FOXJ2: variants seen among roughly 807,000 people sequenced by gnomAD.
FOXJ2 encodes the protein forkhead box J2, also known as forkhead box protein J2.
FOXJ2 carries 18 observed loss-of-function variants against 68.4 expected under a neutral mutation model. That is an observed-to-expected ratio of 0.26 (90% CI 0.18 to 0.39). The LOEUF (loss-of-function observed/expected upper bound fraction) is 0.39. FOXJ2 is among the 10% of genes least tolerant of loss of function. The pLI, the probability that FOXJ2 is intolerant of heterozygous loss-of-function variation, is 1.00. For synonymous variants in FOXJ2, 274 were observed against 263.2 expected, an observed-to-expected ratio of 1.04 and a Z score of -0.40; for missense variants, 670 against 726.5, an observed-to-expected ratio of 0.92 and a Z score of 0.89.
intron 10 of FOXJ2, among the ~76,000 whole-genome samples, chr12:8,052,225 ATT>A (rs111837642): frequency 5.2e-5 from 7 of 133,812 alleles, no homozygotes; most frequent in Non-Finnish European, 8.1e-5. Flanking sequence ...CAGAAGTACA[ATT>A]TTTTTTTTTT....
rs766834872 is a variant in FOXJ2 at position 8,049,488 on chromosome 12, G to T, written c.1454G>T (p.Gly485Val). 8.1e-6 allele frequency: 13 copies of T among 1,614,078 alleles called. No individual in the cohort carries two copies. In the African/African-American group the frequency reaches 9.3e-5, roughly 12 times the overall value. Residue 485 changes from glycine to valine, a missense_variant, in exon 9 of 11, where the codon GGT (glycine) becomes GTT (valine). Gly to Val is a moderately radical substitution (Grantham distance 109). Around this residue, in one of 2 missense-constraint regions of FOXJ2, gnomAD observed 555 missense variants for 562.2 expected, o/e 0.99. Coordinates refer to ENST00000162391, the MANE Select transcript of FOXJ2 (RefSeq NM_018416.3). ...ACTGGTCACGTGCCCCCTCAAGGGG[G>T]TACCCACCGCCCACCAGCCCCTGCC... Reference protein sequence around the residue: ...TQTGHVPPQGGTHRPPAPARI... With the variant: ...TQTGHVPPQGVTHRPPAPARI...
chr12:8,039,271 A>C (rs1268294507), intron 1 of FOXJ2, among the ~76,000 whole-genome samples: 2 of 152,000 alleles, frequency 1.3e-5, no homozygotes, highest in Non-Finnish European at 2.9e-5. Context: ...GTGGGATAAA[A>C]AGGGCAAGTG....
rs938474979 is a variant in FOXJ2, at chr12:8,035,796, T to C, written c.-15+1963T>C. Among the ~76,000 whole-genome samples, 7 of 152,166 alleles carry C rather than the reference T, an allele frequency of 4.6e-5. No homozygotes were observed. Among genetic ancestry groups the C allele is most frequent in the Admixed American group, 3.9e-4 (6 of 15,274 alleles). On this transcript the variant is annotated intron_variant, in intron 1 of 10. Coordinates refer to ENST00000162391, the MANE Select transcript of FOXJ2 (RefSeq NM_018416.3). The surrounding 1 kb of genome is among the most constrained non-coding windows in gnomAD (Gnocchi z 4.0). ...GAGTGTGCTTTCCCAGACCATGTCT[T>C]ATGACTACACCTAGTTCCCCCGGGA...
chr12:8,052,209 T>A (rs769055708), intron 10 of FOXJ2, among the ~76,000 whole-genome samples: 2 of 152,012 alleles, frequency 1.3e-5, no homozygotes, highest in Non-Finnish European at 2.9e-5. Flanking sequence ...CATTATCATA[T>A]GTTTTCAGAA....
Position 8,053,884 on chromosome 12 carries a change from T to G in FOXJ2, c.*1034T>G, listed in dbSNP as rs1046275529. 1 of 152,168 alleles carries G rather than the reference T, an allele frequency of 6.6e-6. No individual in the cohort carries two copies. Among genetic ancestry groups the G allele is most frequent in the African/African-American group, 2.4e-5 (1 of 41,446 alleles). The allele number at this position is 152,168 out of a possible 1,614,324, so 9.4% of individuals were successfully genotyped here. Reference sequence around the variant, plus strand: ...TCTTCCACCCATCTTTTTTCTTCCCTCATTTTCTGGGATTCTCAAGAAAGA... The same window carrying G: ...TCTTCCACCCATCTTTTTTCTTCCCGCATTTTCTGGGATTCTCAAGAAAGA... On this transcript the variant is annotated 3_prime_UTR_variant, in exon 11 of 11. Transcript: ENST00000162391. The surrounding 1 kb of genome is among the most constrained non-coding windows in gnomAD (Gnocchi z 4.1).
intron 1 of FOXJ2, among the ~76,000 whole-genome samples, chr12:8,039,437 GA>G (rs367717446): frequency 1.7e-3 from 257 of 152,300 alleles, no homozygotes; most frequent in South Asian, 5.8e-3. Context: ...CATGATTGCA[GA>G]ATGGACTTTT....
chr12:8,048,662 C>T (rs1412454546), intron 7 of FOXJ2, 35 bp from the exon 8 acceptor site: 2 of 1,573,330 alleles, frequency 1.3e-6, no homozygotes, highest in Non-Finnish European at 1.7e-6. Flanking sequence ...ACACTTCACT[C>T]TATCTTATTA....
chr12:8,047,774 T>C (rs1947057604), intron 6 of FOXJ2, 108 bp from the exon 7 acceptor site: 33 of 1,399,738 alleles, frequency 2.4e-5, no homozygotes, highest in Non-Finnish European at 3.1e-5. Context: ...TCTTACCCTT[T>C]TAACTCCACA....
rs144920683 is a variant in FOXJ2, at chr12:8,048,134, A to G, written c.1070A>G (p.Tyr357Cys). The change falls in exon 7 of 11, where the codon TAT (tyrosine) becomes TGT (cysteine). Residue 357 changes from tyrosine (Y) to cysteine (C), a missense_variant. Coordinates refer to ENST00000162391, the MANE Select transcript of FOXJ2 (RefSeq NM_018416.3). The stretch of plus-strand genomic sequence containing the variant: ...GGAAAGCAAGCTGGGGCGGAAGGCT[A>G]TGGGCCTCCCCCTGTAATGGCCATG... ...PGGKQAGAEGYGPPPVMAMHP... is the reference protein window; with the variant it reads ...PGGKQAGAEGCGPPPVMAMHP... 108 of 1,613,682 alleles carry G rather than the reference A, an allele frequency of 6.7e-5. No homozygotes were observed. In the African/African-American group the frequency reaches 1.0e-3, roughly 15 times the overall value.
chr12:8,039,337 G>A (rs997096277), intron 1 of FOXJ2, among the ~76,000 whole-genome samples: 3 of 152,126 alleles, frequency 2.0e-5, no homozygotes, highest in Non-Finnish European at 2.9e-5. Context: ...TGCTTCATCC[G>A]TGTATGTTTG....
rs944352705 is a variant in FOXJ2, at chr12:8,038,286, A to G, written c.-14-1533A>G. ...AAGGGCAGAAGAATCACTACCTAGG[A>G]TAGAAGAGGGAGCTGAGACCCTGAA... On this transcript the variant is annotated intron_variant, in intron 1 of 10. Coordinates refer to ENST00000162391, the MANE Select transcript of FOXJ2 (RefSeq NM_018416.3). The surrounding 1 kb of genome is among the most constrained non-coding windows in gnomAD (Gnocchi z 5.3). Among the ~76,000 whole-genome samples the G allele has an allele frequency of 6.6e-6, 1 of 152,162 alleles. No individual in the cohort carries two copies. Among genetic ancestry groups the G allele is most frequent in the South Asian group, 2.1e-4 (1 of 4,826 alleles).
At position 8,047,705 on chromosome 12, in the gene FOXJ2, C is replaced by T. The variant is rs183785956; in HGVS notation, c.818-177C>T. 4.9e-3 allele frequency among the ~76,000 whole-genome samples: 740 copies of T among 152,256 alleles called. 18 individuals are homozygous for T. The highest frequency in any genetic ancestry group is 2.2e-3 in the Non-Finnish European group (147 of 68,018). ...TCAGGGCCCTCCTCTAACCTAAGTG[C>T]CTTCCTGTCTCTTGTACCTGCCAGG... On this transcript the variant is annotated intron_variant, in intron 6 of 10. Coordinates refer to ENST00000162391, the MANE Select transcript of FOXJ2 (RefSeq NM_018416.3).
chr12:8,050,723 G>A lies in FOXJ2; in HGVS notation c.1636+103G>A, dbSNP rs185432664. 3.6e-4 allele frequency: 464 copies of A among 1,306,800 alleles called. 1 individual carries two copies. The African/African-American group carries it at 4.9e-3, about 14-fold the overall frequency. The allele number at this position is 1,306,800 out of a possible 1,614,324, so 81.0% of individuals were successfully genotyped here. A position where few individuals can be genotyped will look rare whatever the true frequency, so the allele number is the denominator to read the frequency against. Reference sequence around the variant, plus strand: ...TTCTGTGCATTTTTGCCTGCATCTCGCTGGAGGGAATGAGCCTTTATAATT... The same window carrying A: ...TTCTGTGCATTTTTGCCTGCATCTCACTGGAGGGAATGAGCCTTTATAATT... On this transcript the variant is annotated intron_variant, in intron 10 of 10. Coordinates refer to ENST00000162391, the MANE Select transcript of FOXJ2 (RefSeq NM_018416.3).
rs1416931986 is a variant in FOXJ2, at chr12:8,040,600, T to G, written c.333+435T>G. On this transcript the variant is annotated intron_variant, in intron 2 of 10. Transcript: ENST00000162391. This position sits in a 1 kb window ranked among gnomAD's most constrained non-coding sequence, Gnocchi z 4.0. Reference sequence around the variant, plus strand: ...CCGTGCCCGGCTGATTTTTTGTATTTTTAGTAGAGATAGGGTTTCGCTATG... The same window carrying G: ...CCGTGCCCGGCTGATTTTTTGTATTGTTAGTAGAGATAGGGTTTCGCTATG... Among the ~76,000 whole-genome samples, 2 of 152,042 alleles carry G rather than the reference T, an allele frequency of 1.3e-5. No individual in the cohort carries two copies. Among genetic ancestry groups the G allele is most frequent in the African/African-American group, 2.4e-5 (1 of 41,378 alleles).
rs2066579627 is a variant in FOXJ2, at chr12:8,033,713, C to T, written c.-135C>T. The T allele has an allele frequency of 6.5e-6, 1 of 152,814 alleles. No homozygotes were observed. Among genetic ancestry groups the T allele is most frequent in the African/African-American group, 2.4e-5 (1 of 41,428 alleles). 9.5% of individuals were successfully genotyped at this position (152,814 alleles called of 1,614,324 possible). On this transcript the variant is annotated 5_prime_UTR_variant, in exon 1 of 11. Coordinates refer to ENST00000162391, the MANE Select transcript of FOXJ2 (RefSeq NM_018416.3). ...CTCACCAACTTGGGAGGCTCAGCCT[C>T]GTCCAGGAAGAGCCACTGAGGATGA...
chr12:8,050,433 G>C lies in FOXJ2; in HGVS notation c.1538-89G>C, dbSNP rs948495227. 5 of 1,523,786 alleles carry C rather than the reference G, an allele frequency of 3.3e-6. No homozygotes were observed. In the African/African-American group the frequency reaches 7.0e-5, roughly 21 times the overall value. 94.4% of individuals were successfully genotyped at this position (1,523,786 alleles called of 1,614,324 possible). A position where few individuals can be genotyped will look rare whatever the true frequency, so the allele number is the denominator to read the frequency against. On this transcript the variant is annotated intron_variant, in intron 9 of 10. Transcript: ENST00000162391. Reference sequence around the variant, plus strand: ...GGCAGGGAAGAGAGAAGGAGGATGGGAGCAAGGGTATATTTTTTTCTTCCC... The same window carrying C: ...GGCAGGGAAGAGAGAAGGAGGATGGCAGCAAGGGTATATTTTTTTCTTCCC...
At chr12:8,041,592 C>T (rs1946966134) in intron 2 of FOXJ2, among the ~76,000 whole-genome samples, 1 of 151,808 alleles carries the variant, frequency 6.6e-6, no homozygotes, top group Non-Finnish European at 1.5e-5. Context: ...CAGCTTACTG[C>T]AGCTTGAACC....
rs771259531 is a variant in FOXJ2 at position 8,040,213 on chromosome 12, T to A, written c.333+48T>A. The A allele has an allele frequency of 1.3e-6, 2 of 1,560,404 alleles. No individual in the cohort carries two copies. Among genetic ancestry groups the A allele is most frequent in the South Asian group, 2.3e-5 (2 of 86,542 alleles). On this transcript the variant is annotated intron_variant, in intron 2 of 10. Transcript: ENST00000162391. This position sits in a 1 kb window ranked among gnomAD's most constrained non-coding sequence, Gnocchi z 4.0. ...GGCTTAGGTTTAGGCTTCAACAGCC[T>A]TTTTAGAGAAAAAGGTTTTGTTTCT...
intron 1 of FOXJ2, among the ~76,000 whole-genome samples, chr12:8,034,612 T>C (rs1247017230): frequency 6.6e-6 from 1 of 152,218 alleles, no homozygotes; most frequent in East Asian, 1.9e-4. Context: ...CAGGAAAAAT[T>C]AGATCCTGGA....
Sources: allele counts gnomAD v4.1 joint callset (sites outside exome capture counted in the v4.1 genomes callset), GRCh38; gene constraint gnomAD v4.1.1; regional missense constraint gnomAD v4.1.1; non-coding constraint Gnocchi (gnomAD v3.1); transcripts MANE v1.5; gene names NCBI Gene and HGNC (gene_info 2026-07-23, HGNC 2026-07-21).